Variants in KIF26B observed in about 807,000 individuals in gnomAD.
KIF26B encodes the protein kinesin family member 26B.
KIF26B carries 63 observed loss-of-function variants against 151.2 expected under a neutral mutation model. That is an observed-to-expected ratio of 0.42 (90% CI 0.34 to 0.51). The LOEUF (loss-of-function observed/expected upper bound fraction) is 0.51. KIF26B is among the 20% of genes least tolerant of loss of function. The pLI, the probability that KIF26B is intolerant of heterozygous loss-of-function variation, is 0.07. For synonymous variants in KIF26B, 1,357 were observed against 1,262.1 expected (o/e 1.08, Z -1.59); for missense variants, 2,813 against 2,913.6 (o/e 0.97, Z 0.79).
chr1:245,460,551 C>T (rs905748848), intron 4 of KIF26B, among the ~76,000 whole-genome samples: 7 of 152,136 alleles, frequency 4.6e-5, no homozygotes, highest in Admixed American at 2.0e-4. Context: ...GCAGAAAGTT[C>T]GCCCACCCCT....
chr1:245,432,899 G>A (rs1658815182), intron 4 of KIF26B, among the ~76,000 whole-genome samples: 1 of 152,174 alleles, frequency 6.6e-6, no homozygotes, highest in African/African-American at 2.4e-5. Flanking sequence ...GAGAGGTCTG[G>A]TTGACATCCC....
At chr1:245,642,655 G>A (rs1161922691) in intron 9 of KIF26B, among the ~76,000 whole-genome samples, 2 of 150,586 alleles carry the variant, frequency 1.3e-5, no homozygotes, top group Non-Finnish European at 2.9e-5. Flanking sequence ...TCCCTGCATA[G>A]ACAGGATAGT....
chr1:245,391,319 T>C (rs1410171536), intron 3 of KIF26B, among the ~76,000 whole-genome samples: 1 of 152,214 alleles, frequency 6.6e-6, no homozygotes, highest in African/African-American at 2.4e-5. Context: ...CTACCACTTG[T>C]TGATTTTTAG....
rs201431711 is a variant in KIF26B at position 245,607,734 on chromosome 1, C to T, written c.1641C>T (p.His547=). 5.9e-5 allele frequency: 95 copies of T among 1,611,830 alleles called. No individual in the cohort carries two copies. Among genetic ancestry groups the T allele is most frequent in the Middle Eastern group, 1.7e-4 (1 of 6,056 alleles). The change falls in exon 7 of 15, where the codon CAC becomes CAT. Residue 547 remains histidine (H), a synonymous_variant. Coordinates refer to ENST00000407071, the MANE Select transcript of KIF26B (RefSeq NM_018012.4). ...GADGCVFCFG[H]AKLGKSYTMI... ...ATGGCTGCGTGTTCTGTTTCGGCCACGCCAAACTGGGTTCGTGAGAGTTTC... is the reference window on the plus strand; with the variant it reads ...ATGGCTGCGTGTTCTGTTTCGGCCATGCCAAACTGGGTTCGTGAGAGTTTC...
intron 3 of KIF26B, chr1:245,370,447 A>C (rs1673085890): frequency 3.4e-6 from 1 of 290,312 alleles, no homozygotes; most frequent in African/African-American, 2.2e-5. Flanking sequence ...ATTAGAATTT[A>C]GGTCTTTGCT....
At chr1:245,336,500 C>T (rs2102993749) in intron 2 of KIF26B, among the ~76,000 whole-genome samples, 1 of 152,296 alleles carries the variant, frequency 6.6e-6, no homozygotes, top group East Asian at 1.9e-4. Flanking sequence ...TGCTGTTTTG[C>T]CTTTCTTCAC....
rs766765537 is a variant in KIF26B at position 245,686,304 on chromosome 1, G to A, written c.3321G>A (p.Ser1107=). ...CGTCTCCCGCCCCACTGCCTCCCTC[G>A]AGCAAGGATTCCGGCGTGGCGTCTA... is the stretch of plus-strand genomic sequence containing the variant. ...VLPSPAPLPP[S]SKDSGVASRE... Residue 1107 remains serine, a synonymous_variant, in exon 12 of 15, where the codon TCG becomes TCA. Coordinates refer to ENST00000407071, the MANE Select transcript of KIF26B (RefSeq NM_018012.4). This position sits in a 1 kb window ranked among gnomAD's most constrained non-coding sequence, Gnocchi z 5.6. The A allele has an allele frequency of 3.7e-5, 60 of 1,612,918 alleles. No individual in the cohort carries two copies. The highest frequency in any genetic ancestry group is 4.6e-5 in the Non-Finnish European group (54 of 1,179,860).
At chr1:245,176,343 A>G (rs1353616514) in intron 2 of KIF26B, among the ~76,000 whole-genome samples, 4 of 152,174 alleles carry the variant, frequency 2.6e-5, no homozygotes, top group Non-Finnish European at 5.9e-5. Flanking sequence ...GTTTAGGGAA[A>G]AGTAGTGTCA....
chr1:245,699,154 T>G, intron 14 of KIF26B, 117 bp downstream of exon 14: 3 of 1,093,058 alleles, frequency 2.7e-6, no homozygotes. Context: ...AGTCACAGGA[T>G]GCCCATCAAA....
intron 2 of KIF26B, among the ~76,000 whole-genome samples, chr1:245,229,173 T>C (rs1347746751): frequency 1.3e-5 from 2 of 152,110 alleles, no homozygotes; most frequent in Non-Finnish European, 2.9e-5. Context: ...GGTTTTACCA[T>C]GTTGGCCAGG....
At chr1:245,568,349 A>G (rs2043032390) in intron 5 of KIF26B, among the ~76,000 whole-genome samples, 1 of 151,366 alleles carries the variant, frequency 6.6e-6, no homozygotes, top group Non-Finnish European at 1.5e-5. Context: ...ATCTCCACAA[A>G]AAATGTTTTT....
In KIF26B at chr1:245,283,774, G is replaced by A. The variant is rs765328859; in HGVS notation, c.466-83060G>A. The stretch of plus-strand genomic sequence containing the variant: ...ACAATCTTGGTTCACTGCAACTTCC[G>A]ACTGCTGGGTTCAAGCGATTCTCCT... On this transcript the variant is annotated intron_variant, in intron 2 of 14. Transcript: ENST00000407071. Among the ~76,000 whole-genome samples the A allele has an allele frequency of 3.2e-4, 47 of 148,298 alleles. 1 individual carries two copies. Among genetic ancestry groups the A allele is most frequent in the African/African-American group, 1.2e-3 (46 of 39,926 alleles).
At chr1:245,370,534 A>G in intron 3 of KIF26B, 1 of 451,586 alleles carries the variant, frequency 2.2e-6, no homozygotes, top group South Asian at 1.6e-5. Context: ...TGTGTGAGCC[A>G]CATACTTGTG....
At chr1:245,174,399 G>GA (rs2103524096) in intron 2 of KIF26B, among the ~76,000 whole-genome samples, 1 of 151,960 alleles carries the variant, frequency 6.6e-6, no homozygotes, top group East Asian at 1.9e-4. Context: ...AGACAAAAGA[G>GA]AAGGACATCT....
At position 245,366,848 on chromosome 1, in the gene KIF26B, G is replaced by A. The variant is rs1018661689; in HGVS notation, c.480G>A (p.Ser160=). The change falls in exon 3 of 15, where the codon TCG becomes TCA. Residue 160 remains serine (S), a synonymous_variant. Coordinates refer to ENST00000407071, the MANE Select transcript of KIF26B (RefSeq NM_018012.4). ...GPFPGKDPAF[S]AVIHDKLQVP... is the part of the protein sequence containing the mutation. ...GTGTTCTGTAGGACCCTGCTTTCTC[G>A]GCTGTGATTCACGACAAACTCCAGG... is the stretch of plus-strand genomic sequence containing the variant. 3 of 1,613,654 alleles carry A rather than the reference G, an allele frequency of 1.9e-6. No homozygotes were observed. The highest frequency in any genetic ancestry group is 1.7e-6 in the Non-Finnish European group (2 of 1,179,828).
chr1:245,536,838 G>A (rs927627045), intron 4 of KIF26B, among the ~76,000 whole-genome samples: 2 of 152,130 alleles, frequency 1.3e-5, no homozygotes, highest in Middle Eastern at 3.2e-3. Flanking sequence ...ATGTGACCTG[G>A]GCTTCCTCAC....
At chr1:245,461,274 T>A (rs1659639266) in intron 4 of KIF26B, among the ~76,000 whole-genome samples, 1 of 152,054 alleles carries the variant, frequency 6.6e-6, no homozygotes, top group Non-Finnish European at 1.5e-5. Flanking sequence ...TGCTTTCTCT[T>A]AAAGTCAGCT....
intron 4 of KIF26B, among the ~76,000 whole-genome samples, chr1:245,446,054 C>G (rs1052405104): frequency 3.9e-5 from 6 of 152,170 alleles, no homozygotes; most frequent in Non-Finnish European, 8.8e-5. Context: ...TTAGGTGATT[C>G]TGTCATTGTG....
chr1:245,295,084 C>A (rs549153004), intron 2 of KIF26B, among the ~76,000 whole-genome samples: 1 of 151,926 alleles, frequency 6.6e-6, no homozygotes, highest in Non-Finnish European at 1.5e-5. Context: ...AGTTAGGGCC[C>A]GTATAGTATG....
Sources: gnomAD v4.1 joint callset for allele counts (sites outside exome capture counted in the v4.1 genomes callset) on GRCh38, gnomAD v4.1.1 for gene constraint, Gnocchi (gnomAD v3.1) non-coding constraint, MANE v1.5 for transcripts, NCBI Gene and HGNC (gene_info 2026-07-23, HGNC 2026-07-21) for gene names.